The following ANK1 variants were observed in gnomAD, a reference collection of about 807,000 sequenced individuals.
ANK1 encodes the protein ankyrin-1.
A neutral mutation model predicts 210.4 loss-of-function variants in ANK1; 51 were observed. The ratio of observed to expected loss-of-function variants is 0.24; its 90% CI spans 0.19 to 0.31. ANK1 has a LOEUF of 0.31. Ranked by LOEUF, ANK1 falls within the 10% of genes least tolerant of loss-of-function variation. ANK1 has a pLI of 1.00. For missense variants in ANK1, 2,051 were observed against 2,504.4 expected (o/e 0.82, Z 3.86); for synonymous variants, 967 against 1,025.9 (o/e 0.94, Z 1.10).
In ANK1 at chr8:41,661,909, C is replaced by G; in HGVS notation, c.5511G>C (p.Leu1837Phe). Residue 1837 changes from leucine (L) to phenylalanine (F), a missense_variant, in exon 41 of 43, where the codon TTG becomes TTC. Leu to Phe is a conservative substitution (Grantham distance 22). Transcript: ENST00000289734. ...IIRKVVRQID[L>F]SSADAAQEHE... ...GCTCCTGGGCGGCATCGGCGCTGGACAAGTCTATCTGTCGAACCACCTTGC... is the reference window on the plus strand; with the variant it reads ...GCTCCTGGGCGGCATCGGCGCTGGAGAAGTCTATCTGTCGAACCACCTTGC... 2 of 1,614,040 alleles carry G rather than the reference C, an allele frequency of 1.2e-6. No homozygotes were observed. Among genetic ancestry groups the G allele is most frequent in the Non-Finnish European group, 8.5e-7 (1 of 1,179,998 alleles).
intron 38 of ANK1, among the ~76,000 whole-genome samples, chr8:41,670,857 T>C (rs1287298219): frequency 6.6e-6 from 1 of 152,282 alleles, no homozygotes; most frequent in East Asian, 1.9e-4. Flanking sequence ...TGTCCTTACT[T>C]TAGGGAAAAC....
chr8:41,829,365 A>T (rs1806141024), intron 1 of ANK1: 2 of 152,370 alleles, frequency 1.3e-5, no homozygotes, highest in South Asian at 4.1e-4. Flanking sequence ...GATGTTTCTC[A>T]GGGGGCACAT....
rs997921703 is a variant in ANK1, at chr8:41,735,431, G to A, written c.130-1362C>T. Among the ~76,000 whole-genome samples the A allele has an allele frequency of 5.3e-5, 8 of 152,082 alleles. No individual in the cohort carries two copies. The South Asian group carries it at 8.3e-4, about 16-fold the overall frequency. On this transcript the variant is annotated intron_variant, in intron 2 of 42. Transcript: ENST00000289734. ...CCTGTCCTCCTCCTCCTGGCCTCCCGTTTTGATTAATTCTGTTCTATTGCG... is the reference window on the plus strand; with the variant it reads ...CCTGTCCTCCTCCTCCTGGCCTCCCATTTTGATTAATTCTGTTCTATTGCG...
intron 1 of ANK1, among the ~76,000 whole-genome samples, chr8:41,863,159 C>T (rs931544216): frequency 6.6e-6 from 1 of 151,956 alleles, no homozygotes; most frequent in Non-Finnish European, 1.5e-5. Flanking sequence ...GAGATTGAGA[C>T]CATCCTGGCT....
intron 1 of ANK1, among the ~76,000 whole-genome samples, chr8:41,858,153 GC>G (rs1449641881): frequency 6.6e-6 from 1 of 151,728 alleles, no homozygotes; most frequent in African/African-American, 2.4e-5. Flanking sequence ...GCTCACTTGA[GC>G]CCGGGAATTG....
chr8:41,754,951 G>A (rs1838735040), intron 2 of ANK1, among the ~76,000 whole-genome samples: 1 of 152,252 alleles, frequency 6.6e-6, no homozygotes, highest in Non-Finnish European at 1.5e-5. Flanking sequence ...TCTGGCAGCT[G>A]TGGGAATTAA....
intron 1 of ANK1, among the ~76,000 whole-genome samples, chr8:41,863,380 T>C (rs1275347286): frequency 6.8e-6 from 1 of 146,888 alleles, no homozygotes; most frequent in Non-Finnish European, 1.5e-5. Flanking sequence ...AGAAAAAAAG[T>C]GTATTATAAG....
chr8:41,817,977 T>A (rs534867545), intron 1 of ANK1, among the ~76,000 whole-genome samples: 194 of 152,350 alleles, frequency 1.3e-3, no homozygotes, highest in Admixed American at 2.5e-3. Flanking sequence ...GCACCCATGT[T>A]TCTGTCCGGC....
chr8:41,698,310 C>T (rs978997618), intron 23 of ANK1, among the ~76,000 whole-genome samples, 189 bp from the exon 24 acceptor site: 1 of 152,216 alleles, frequency 6.6e-6, no homozygotes, highest in Non-Finnish European at 1.5e-5. Context: ...CACTTGTCGC[C>T]CCTTTCTCTA....
intron 10 of ANK1, among the ~76,000 whole-genome samples, chr8:41,719,373 C>T (rs760669763): frequency 1.8e-4 from 27 of 152,328 alleles, no homozygotes; most frequent in Admixed American, 8.5e-4. Flanking sequence ...GCATACCTAC[C>T]ATGCAGGATG....
intron 9 of ANK1, 61 bp from the exon 10 acceptor site, chr8:41,719,919 C>G (rs530442592): frequency 2.4e-4 from 378 of 1,567,068 alleles, no homozygotes; most frequent in Admixed American, 4.5e-4. Context: ...CATGGAGATT[C>G]AGGACGATTC....
rs369326783 is a variant in ANK1 at position 41,694,749 on chromosome 8, G to A, written c.3170C>T (p.Thr1057Ile). ...GATCACGAAGTACAGCGGGAAGTCG[G>A]TGGTGATGATTCGGCACACCCTCTT... is the stretch of plus-strand genomic sequence containing the variant. ...EKKRVCRIITTDFPLYFVIMS... is the reference protein window; with the variant it reads ...EKKRVCRIITIDFPLYFVIMS... Residue 1057 changes from threonine to isoleucine, a missense_variant, in exon 28 of 43, where the codon ACC (threonine) becomes ATC (isoleucine). Around this residue, in one of 6 missense-constraint regions of ANK1, gnomAD observed 1,413 missense variants for 1,707.4 expected, o/e 0.83. Transcript: ENST00000289734. The surrounding 1 kb of genome is among the most constrained non-coding windows in gnomAD (Gnocchi z 5.7). 53 of 1,614,056 alleles carry A rather than the reference G, an allele frequency of 3.3e-5. No individual in the cohort carries two copies. Among genetic ancestry groups the A allele is most frequent in the African/African-American group, 1.3e-5 (1 of 74,908 alleles).
At chr8:41,751,329 A>G (rs986815954) in intron 2 of ANK1, among the ~76,000 whole-genome samples, 4 of 152,184 alleles carry the variant, frequency 2.6e-5, no homozygotes, top group East Asian at 1.9e-4. Flanking sequence ...AGAGTCCCCA[A>G]TCATGGGTTT....
At chr8:41,862,972 A>C (rs560370816) in intron 1 of ANK1, among the ~76,000 whole-genome samples, 16 of 152,304 alleles carry the variant, frequency 1.1e-4, no homozygotes, top group African/African-American at 3.8e-4. Context: ...TGATCGCACC[A>C]CTGCACTCCA....
chr8:41,741,664 G>A (rs1262479393), intron 2 of ANK1, among the ~76,000 whole-genome samples: 3 of 151,992 alleles, frequency 2.0e-5, no homozygotes, highest in Non-Finnish European at 4.4e-5. Context: ...TACGTGGCCC[G>A]CTTCTTAGAG....
chr8:41,682,034 A>G (rs1438542041), intron 37 of ANK1, among the ~76,000 whole-genome samples: 1 of 152,006 alleles, frequency 6.6e-6, no homozygotes, highest in Non-Finnish European at 1.5e-5. Flanking sequence ...TCCCTCAAAG[A>G]CTTAAGGGCA....
At chr8:41,702,272 G>A in intron 20 of ANK1, 128 bp from the exon 21 acceptor site, 1 of 709,822 alleles carries the variant, frequency 1.4e-6, no homozygotes, top group East Asian at 2.6e-5. Flanking sequence ...AGACGTCACC[G>A]TGGGGCCCAG....
chr8:41,882,497 A>G (rs1817754767), intron 1 of ANK1, among the ~76,000 whole-genome samples: 1 of 152,208 alleles, frequency 6.6e-6, no homozygotes, highest in Admixed American at 6.5e-5. Context: ...CCAGTGAGGA[A>G]TGCATCCCAG....
At chr8:41,740,399 G>T (rs923278917) in intron 2 of ANK1, among the ~76,000 whole-genome samples, 1 of 151,710 alleles carries the variant, frequency 6.6e-6, no homozygotes, top group Admixed American at 6.6e-5. Flanking sequence ...AACTTAGGTA[G>T]TCTACCCGTC....
Sources: gnomAD v4.1 joint callset for allele counts (sites outside exome capture counted in the v4.1 genomes callset) on GRCh38, gnomAD v4.1.1 for gene constraint, gnomAD v4.1.1 regional missense constraint, Gnocchi (gnomAD v3.1) non-coding constraint, MANE v1.5 for transcripts, NCBI Gene and HGNC (gene_info 2026-07-23, HGNC 2026-07-21) for gene names.